FAM53A: variants seen among roughly 807,000 people sequenced by gnomAD.
FAM53A encodes the protein family with sequence similarity 53 member A.
Under a neutral mutation model 26.6 loss-of-function variants are expected in FAM53A, and 28 were observed. That is an observed-to-expected ratio of 1.05 (90% confidence interval 0.78 to 1.45). The LOEUF (loss-of-function observed/expected upper bound fraction) is 1.45. Ranked by LOEUF, FAM53A falls within the 40% of genes most tolerant of loss-of-function variation. FAM53A has a pLI of 0.00. For synonymous variants in FAM53A, 290 were observed against 253.1 expected, an observed-to-expected ratio of 1.15 and a Z score of -1.38; for missense variants, 650 against 575.8, an observed-to-expected ratio of 1.13 and a Z score of -1.32.
chr4:1,602,284 GA>G, the FAM53A span, among the ~76,000 whole-genome samples: 1 of 152,238 alleles, frequency 6.6e-6, no homozygotes, highest in African/African-American at 2.4e-5. Flanking sequence ...GCCTCCAAAT[GA>G]AAGTCTGTTT....
At chr4:1,624,043 G>A (rs1715173049) in intron 1 of FAM53A, among the ~76,000 whole-genome samples, 1 of 152,200 alleles carries the variant, frequency 6.6e-6, no homozygotes, top group Admixed American at 6.5e-5. Flanking sequence ...ACATTTCTGG[G>A]CAGGCTGTGG....
At chr4:1,653,497 C>T (rs1228815978) in intron 4 of FAM53A, among the ~76,000 whole-genome samples, 1 of 152,174 alleles carries the variant, frequency 6.6e-6, no homozygotes, top group African/African-American at 2.4e-5. Flanking sequence ...TCCTGGTCCC[C>T]GTGGGGCCTG....
At chr4:1,587,587 G>A in the FAM53A span, among the ~76,000 whole-genome samples, 2,363 of 152,170 alleles carry the variant, frequency 0.016, 62 homozygotes, top group African/African-American at 0.054. Context: ...AAGGAGAATC[G>A]CTTGAACCCA....
At chr4:1,624,769 C>G (rs917609003) in intron 1 of FAM53A, among the ~76,000 whole-genome samples, 4 of 152,248 alleles carry the variant, frequency 2.6e-5, no homozygotes, top group African/African-American at 9.6e-5. Flanking sequence ...AAGCTCTCCC[C>G]TGACATGCGG....
intron 3 of FAM53A, 138 bp downstream of exon 3, chr4:1,657,270 C>A (rs9997609): frequency 2.1e-5 from 16 of 746,878 alleles, no homozygotes; most frequent in Non-Finnish European, 3.5e-5. Flanking sequence ...GACCACCCCA[C>A]GCCCCAGTGC....
In FAM53A at chr4:1,630,396, G is replaced by A. The variant is rs908344880; in HGVS notation, c.432-12285C>T. 2.6e-5 allele frequency among the ~76,000 whole-genome samples: 4 copies of A among 152,210 alleles called. No homozygotes were observed. The highest frequency in any genetic ancestry group is 1.9e-4 in the East Asian group (1 of 5,194). On this transcript the variant is annotated intron_variant, in intron 1 of 1. Transcript: ENST00000489029. The surrounding 1 kb of genome is among the most constrained non-coding windows in gnomAD (Gnocchi z 4.3). ...GCCAAGGTCTACACAAATGCACGTC[G>A]GGGAGTTCCCATCAAACTCTACGGA...
chr4:1,655,869 T>C lies in FAM53A; in HGVS notation c.137-146A>G, dbSNP rs934215960. 5.1e-6 allele frequency: 5 copies of C among 974,550 alleles called. No homozygotes were observed. The Admixed American group carries it at 1.6e-4, about 32-fold the overall frequency. 60.4% of individuals were successfully genotyped at this position (974,550 alleles called of 1,614,324 possible). On this transcript the variant is annotated intron_variant, in intron 3 of 4. Transcript: ENST00000308132. ...TGGGCGTGCTTCTCCAAGATGTCCG[T>C]GGCGCACAGTGGACACCAGCCCCGC... is the stretch of plus-strand genomic sequence containing the variant.
At chr4:1,667,173 C>T (rs897039041) in intron 2 of FAM53A, among the ~76,000 whole-genome samples, 1 of 151,468 alleles carries the variant, frequency 6.6e-6, no homozygotes, top group Non-Finnish European at 1.5e-5. Flanking sequence ...GTGGCGTGTG[C>T]CTGTAACGTT....
At chr4:1,613,329 C>T (rs1348268433), downstream of FAM53A, among the ~76,000 whole-genome samples, 1 of 152,198 alleles carries the variant, frequency 6.6e-6, no homozygotes, top group African/African-American at 2.4e-5. Flanking sequence ...GTCACCGGGT[C>T]CTCACCCTGT....
At chr4:1,595,547 G>T in the FAM53A span, among the ~76,000 whole-genome samples, 42 of 152,294 alleles carry the variant, frequency 2.8e-4, 1 homozygote, top group South Asian at 8.3e-3. Flanking sequence ...GGAGCCCTGG[G>T]AAGTCACCAC....
chr4:1,676,573 T>TC (rs1715058397), intron 1 of FAM53A, among the ~76,000 whole-genome samples: 2 of 151,976 alleles, frequency 1.3e-5, no homozygotes, highest in Admixed American at 6.6e-5. Flanking sequence ...ACTGAGCTAC[T>TC]CCCAAACGTG....
chr4:1,611,047 G>A, the FAM53A span, among the ~76,000 whole-genome samples: 1 of 152,214 alleles, frequency 6.6e-6, no homozygotes, highest in Non-Finnish European at 1.5e-5. Context: ...CCTGCCTGGT[G>A]ACCTCCGGCA....
chr4:1,586,878 T>C, the FAM53A span, among the ~76,000 whole-genome samples: 1 of 152,220 alleles, frequency 6.6e-6, no homozygotes, highest in East Asian at 1.9e-4. Context: ...TTTCCACTTT[T>C]CTCCACATCC....
intron 1 of FAM53A, among the ~76,000 whole-genome samples, chr4:1,627,901 T>C (rs1251901558): frequency 6.6e-6 from 1 of 151,678 alleles, no homozygotes; most frequent in East Asian, 2.0e-4. Flanking sequence ...CAGGCTCTGC[T>C]TGTGAGCTGA....
chr4:1,593,686 C>T, the FAM53A span, among the ~76,000 whole-genome samples: 1 of 151,986 alleles, frequency 6.6e-6, no homozygotes, highest in Non-Finnish European at 1.5e-5. Context: ...AGAGCGGCTG[C>T]CGGGGTATAA....
At chr4:1,660,757 C>T (rs1367551461) in intron 2 of FAM53A, among the ~76,000 whole-genome samples, 3 of 151,612 alleles carry the variant, frequency 2.0e-5, no homozygotes, top group South Asian at 2.1e-4. Context: ...GGCGTGGTGG[C>T]GAGTGCCTGT....
chr4:1,653,026 TACAC>T (rs369275649), intron 4 of FAM53A, among the ~76,000 whole-genome samples: 57 of 138,566 alleles, frequency 4.1e-4, no homozygotes, highest in African/African-American at 1.5e-3. Context: ...CCACACACAC[TACAC>T]ACACACAACA....
chr4:1,662,340 G>A (rs1028309444), intron 2 of FAM53A, among the ~76,000 whole-genome samples: 1 of 151,956 alleles, frequency 6.6e-6, no homozygotes, highest in Non-Finnish European at 1.5e-5. Context: ...TTAGCCGGGC[G>A]TGATGGTGGA....
At chr4:1,660,829 G>A (rs934690722) in intron 2 of FAM53A, among the ~76,000 whole-genome samples, 18 of 151,576 alleles carry the variant, frequency 1.2e-4, no homozygotes, top group Admixed American at 9.8e-4. Flanking sequence ...TGCAGTGAGC[G>A]GAGATCACGC....
Sources: gnomAD v4.1 joint callset for allele counts (sites outside exome capture counted in the v4.1 genomes callset) on GRCh38, gnomAD v4.1.1 for gene constraint, Gnocchi (gnomAD v3.1) non-coding constraint, MANE v1.5 for transcripts, NCBI Gene and HGNC (gene_info 2026-07-23, HGNC 2026-07-21) for gene names.